SMOC1: variants seen among roughly 807,000 people sequenced by gnomAD.
SMOC1 encodes the protein SPARC related modular calcium binding 1, also known as SPARC-related modular calcium-binding protein 1.
In SMOC1, 22 loss-of-function variants were observed where a neutral mutation model predicts 56.3. That is an observed-to-expected ratio of 0.39 (90% CI 0.28 to 0.56). The LOEUF is 0.56. Ranked by LOEUF, SMOC1 falls within the 20% of genes least tolerant of loss-of-function variation. The pLI, the probability that SMOC1 is intolerant of heterozygous loss-of-function variation, is 0.61. For missense variants in SMOC1, 509 were observed against 565.4 expected, an observed-to-expected ratio of 0.90 and a Z score of 1.01; for synonymous variants, 193 against 215.0, an observed-to-expected ratio of 0.90 and a Z score of 0.89.
chr14:69,879,500 C>G lies in SMOC1; in HGVS notation c.-179C>G. On this transcript the variant is annotated 5_prime_UTR_variant, in exon 1 of 12. Transcript: ENST00000361956. ...CACACGCTCGCGCTCCAGCTCCCCT[C>G]CTGCGCGGTTCATGACTGTGTCCCC... 1 of 440,722 alleles carries G rather than the reference C, an allele frequency of 2.3e-6. No individual in the cohort carries two copies. 27.3% of individuals were successfully genotyped at this position (440,722 alleles called of 1,614,324 possible). A position where few individuals can be genotyped will look rare whatever the true frequency, so the allele number is the denominator to read the frequency against.
At chr14:69,891,323 G>T (rs575379480) in intron 1 of SMOC1, among the ~76,000 whole-genome samples, 10 of 152,170 alleles carry the variant, frequency 6.6e-5, no homozygotes, top group African/African-American at 2.4e-4. Flanking sequence ...TAAATTGGGT[G>T]GTGAATACAT....
intron 1 of SMOC1, among the ~76,000 whole-genome samples, chr14:69,945,708 G>A (rs1192424186): frequency 6.6e-6 from 1 of 152,184 alleles, no homozygotes; most frequent in African/African-American, 2.4e-5. Context: ...TTGAAGCTGT[G>A]TTACATATGA....
chr14:69,944,378 A>G (rs1185795135), intron 1 of SMOC1, among the ~76,000 whole-genome samples: 13 of 152,162 alleles, frequency 8.5e-5, no homozygotes, highest in Admixed American at 8.5e-4. Context: ...AGAGGTAGGA[A>G]GGAGCTGCAG....
At chr14:69,933,617 C>T (rs1308459668) in intron 1 of SMOC1, among the ~76,000 whole-genome samples, 8 of 151,202 alleles carry the variant, frequency 5.3e-5, no homozygotes, top group African/African-American at 2.0e-4. Flanking sequence ...GCAACCTGCG[C>T]CTCCTGGGTT....
chr14:70,030,223 T>C lies in SMOC1; in HGVS notation c.1292-19T>C, dbSNP rs781373867. 2 of 1,592,332 alleles carry C rather than the reference T, an allele frequency of 1.3e-6. No individual in the cohort carries two copies. On this transcript the variant is annotated intron_variant, in intron 11 of 11. Coordinates refer to ENST00000361956, the MANE Select transcript of SMOC1 (RefSeq NM_001034852.3). ...CGACCTTTTTTTTTTTTTTTTTGCA[T>C]TCTCCTTCCTTCTCTCAGTAGGACG...
intron 1 of SMOC1, among the ~76,000 whole-genome samples, chr14:69,922,215 G>T (rs1884865199): frequency 6.6e-6 from 1 of 152,232 alleles, no homozygotes; most frequent in African/African-American, 2.4e-5. Context: ...TGCAAATACT[G>T]CAGGCTGGGA....
intron 10 of SMOC1, among the ~76,000 whole-genome samples, chr14:70,021,448 C>T (rs1885720233): frequency 6.6e-6 from 1 of 152,228 alleles, no homozygotes; most frequent in Admixed American, 6.5e-5. Flanking sequence ...TAACTTCATG[C>T]CTGTTTCAAA....
intron 3 of SMOC1, among the ~76,000 whole-genome samples, chr14:69,972,183 C>A (rs907049435): frequency 6.6e-6 from 1 of 152,110 alleles, no homozygotes; most frequent in African/African-American, 2.4e-5. Context: ...AGTTAAGTGG[C>A]GGAGCTGGGA....
At chr14:69,956,964 T>G (rs1015080191) in intron 3 of SMOC1, among the ~76,000 whole-genome samples, 2 of 143,186 alleles carry the variant, frequency 1.4e-5, no homozygotes, top group African/African-American at 5.3e-5. Flanking sequence ...TCAAACCACT[T>G]TTGTATGGAC....
intron 10 of SMOC1, among the ~76,000 whole-genome samples, chr14:70,018,267 C>T (rs569170563): frequency 2.0e-4 from 31 of 152,060 alleles, no homozygotes; most frequent in African/African-American, 7.2e-4. Flanking sequence ...GGGCATGGAC[C>T]GTGGGAAAGG....
chr14:69,880,584 C>CTT (rs1566658687), intron 1 of SMOC1, among the ~76,000 whole-genome samples: 135 of 152,346 alleles, frequency 8.9e-4, no homozygotes, highest in African/African-American at 3.1e-3. Flanking sequence ...ACACCCCCCA[C>CTT]CAATTGGTCT....
intron 1 of SMOC1, among the ~76,000 whole-genome samples, chr14:69,925,365 G>A (rs886674768): frequency 2.0e-4 from 31 of 151,950 alleles, no homozygotes; most frequent in Non-Finnish European, 3.5e-4. Flanking sequence ...GGGCTCTTGA[G>A]GGGAGGAACC....
chr14:69,972,962 A>G (rs1003315080), intron 3 of SMOC1, among the ~76,000 whole-genome samples: 2 of 152,172 alleles, frequency 1.3e-5, no homozygotes, highest in Non-Finnish European at 2.9e-5. Flanking sequence ...CCTCATGGAG[A>G]CAGAGGCCTA....
chr14:69,886,677 A>G (rs922322966), intron 1 of SMOC1, among the ~76,000 whole-genome samples: 1 of 152,150 alleles, frequency 6.6e-6, no homozygotes, highest in African/African-American at 2.4e-5. Context: ...CTTCCATTTG[A>G]CTAGCCCATC....
At chr14:69,911,244 G>A (rs1313485810) in intron 1 of SMOC1, among the ~76,000 whole-genome samples, 1 of 152,150 alleles carries the variant, frequency 6.6e-6, no homozygotes, top group Admixed American at 6.5e-5. Flanking sequence ...GACTGTGCCT[G>A]GGGGTAAAGG....
At chr14:69,960,512 A>G (rs1883332344) in intron 3 of SMOC1, among the ~76,000 whole-genome samples, 1 of 152,082 alleles carries the variant, frequency 6.6e-6, no homozygotes, top group Non-Finnish European at 1.5e-5. Flanking sequence ...CCAAAAATTC[A>G]AGCCCATCCT....
chr14:69,976,422 C>A (rs185719198), intron 4 of SMOC1, among the ~76,000 whole-genome samples: 1 of 152,150 alleles, frequency 6.6e-6, no homozygotes, highest in African/African-American at 2.4e-5. Context: ...TGGAGGGAGA[C>A]CTGAGGTCTT....
intron 1 of SMOC1, among the ~76,000 whole-genome samples, chr14:69,898,729 A>G (rs2139321051): frequency 6.6e-6 from 1 of 152,268 alleles, no homozygotes; most frequent in South Asian, 2.1e-4. Flanking sequence ...CATATTAATC[A>G]TAGTTTTAAA....
intron 5 of SMOC1, among the ~76,000 whole-genome samples, chr14:69,986,832 G>C (rs1005158840): frequency 3.3e-5 from 5 of 152,170 alleles, no homozygotes; most frequent in African/African-American, 1.2e-4. Context: ...GGAACATGCA[G>C]GTAGGTATAC....
Sources: gnomAD v4.1 joint callset for allele counts (sites outside exome capture counted in the v4.1 genomes callset) on GRCh38, gnomAD v4.1.1 for gene constraint, MANE v1.5 for transcripts, NCBI Gene and HGNC (gene_info 2026-07-23, HGNC 2026-07-21) for gene names.